SCIN: variants seen among roughly 807,000 people sequenced by gnomAD.
The protein encoded by SCIN is adseverin.
A neutral mutation model predicts 91.8 loss-of-function variants in SCIN; 91 were observed. The observed-to-expected ratio is 0.99, with a 90% confidence interval of 0.84 to 1.18. SCIN has a LOEUF of 1.18. SCIN is among the 50% of genes most tolerant of loss of function. The probability of loss-of-function intolerance (pLI) is 0.00; values close to 1 mark genes in which losing one functional copy is unlikely to be tolerated. For missense variants in SCIN, 1,087 were observed against 863.9 expected (o/e 1.26, Z -3.24); for synonymous variants, 367 against 312.6 (o/e 1.17, Z -1.84).
In SCIN at chr7:12,634,845, C is replaced by T. The variant is rs188292040; in HGVS notation, c.1320-1200C>T. Among the ~76,000 whole-genome samples, 6 of 152,248 alleles carry T rather than the reference C, an allele frequency of 3.9e-5. No individual in the cohort carries two copies. The East Asian group carries it at 5.8e-4, about 15-fold the overall frequency. ...AATGAACTGGACATGTTGATTGACC[C>T]TTATCTGAGTGTTGGAAGTTTAGCC... On this transcript the variant is annotated intron_variant, in intron 9 of 15. Transcript: ENST00000297029.
intron 8 of SCIN, among the ~76,000 whole-genome samples, 168 bp downstream of exon 8, chr7:12,626,967 A>G (rs999648905): frequency 2.0e-5 from 3 of 151,990 alleles, no homozygotes; most frequent in Non-Finnish European, 2.9e-5. Flanking sequence ...GAGCTCGCCC[A>G]TAGTCCTAGC....
rs563069134 is a variant in SCIN at position 12,650,030 on chromosome 7, G to T, written c.1959+486G>T. 3.3e-5 allele frequency among the ~76,000 whole-genome samples: 5 copies of T among 152,288 alleles called. No individual in the cohort carries two copies. The South Asian group carries it at 1.0e-3, about 32-fold the overall frequency. On this transcript the variant is annotated intron_variant, in intron 14 of 15. Coordinates refer to ENST00000297029, the MANE Select transcript of SCIN (RefSeq NM_001112706.3). Reference sequence around the variant, plus strand: ...TGTTTTATTTATCTTAATTTTCAAGGAAATTAGTGGTGATTTGACGTGCCA... The same window carrying T: ...TGTTTTATTTATCTTAATTTTCAAGTAAATTAGTGGTGATTTGACGTGCCA...
rs1488423088 is a variant in SCIN at position 12,659,298 on chromosome 7, T to C, written c.*6583T>C. ...AAGCACCATTTACCACCCATTTGTC[T>C]ATGGACTTAATCTATGTCTCTATGA... On this transcript the variant is annotated 3_prime_UTR_variant, in exon 16 of 16. Transcript: ENST00000297029. The C allele has an allele frequency of 6.6e-6, 1 of 152,204 alleles. No individual in the cohort carries two copies. Among genetic ancestry groups the C allele is most frequent in the African/African-American group, 2.4e-5 (1 of 41,446 alleles). 9.4% of individuals were successfully genotyped at this position (152,204 alleles called of 1,614,324 possible).
chr7:12,634,911 G>T (rs944746763), intron 9 of SCIN, among the ~76,000 whole-genome samples: 5 of 152,118 alleles, frequency 3.3e-5, no homozygotes, highest in African/African-American at 1.2e-4. Flanking sequence ...GGTGGGAAGG[G>T]TGCAGTGCCT....
intron 4 of SCIN, among the ~76,000 whole-genome samples, chr7:12,618,516 G>A (rs1265925736): frequency 6.6e-6 from 1 of 152,028 alleles, no homozygotes; most frequent in Non-Finnish European, 1.5e-5. Context: ...GTATTTTTGA[G>A]GCCATCACTG....
intron 4 of SCIN, among the ~76,000 whole-genome samples, chr7:12,607,706 G>A (rs1783106852): frequency 6.6e-6 from 1 of 152,134 alleles, no homozygotes; most frequent in East Asian, 1.9e-4. Context: ...TGAATTTTCA[G>A]TGAAAACCTT....
chr7:12,579,896 A>G (rs1782453607), intron 2 of SCIN, among the ~76,000 whole-genome samples: 2 of 152,362 alleles, frequency 1.3e-5, no homozygotes, highest in Non-Finnish European at 2.9e-5. Context: ...CCTGGGAGAC[A>G]TGAGTGAAAC....
intron 4 of SCIN, among the ~76,000 whole-genome samples, chr7:12,607,212 G>C (rs865828668): frequency 6.6e-6 from 1 of 152,126 alleles, no homozygotes; most frequent in African/African-American, 2.4e-5. Flanking sequence ...CAAAGTGAAG[G>C]GTTAGACAAA....
chr7:12,586,372 A>G (rs1216899307), intron 3 of SCIN, among the ~76,000 whole-genome samples: 2 of 152,208 alleles, frequency 1.3e-5, no homozygotes, highest in African/African-American at 2.4e-5. Context: ...AAGCAAAACC[A>G]CTATGAGATA....
At chr7:12,628,132 T>G (rs1218466223) in intron 8 of SCIN, among the ~76,000 whole-genome samples, 3 of 152,006 alleles carry the variant, frequency 2.0e-5, no homozygotes. Context: ...CTGTTTCATC[T>G]ACAATTCTCA....
At position 12,626,622 on chromosome 7, in the gene SCIN, C is replaced by G. The variant is rs780471246; in HGVS notation, c.1020C>G (p.Phe340Leu). 2.6e-6 allele frequency: 4 copies of G among 1,551,942 alleles called. No individual in the cohort carries two copies. The highest frequency in any genetic ancestry group is 3.5e-6 in the Non-Finnish European group (4 of 1,147,130). ...VLPEGGETPIFKQFFKDWRDK... is the reference protein window; with the variant it reads ...VLPEGGETPILKQFFKDWRDK... ...CAGAAGGAGGTGAAACACCAATCTT[C>G]AAACAGTTTTTTAAGGACTGGAGAG... is the stretch of plus-strand genomic sequence containing the variant. Residue 340 changes from phenylalanine (F) to leucine (L), a missense_variant, in exon 8 of 16, where the codon TTC becomes TTG. By Grantham distance (22) the Phe-to-Leu change is conservative (BLOSUM62 0). Transcript: ENST00000297029.
In SCIN at chr7:12,655,118, T is replaced by TAGA. The variant is rs1784145695; in HGVS notation, c.*2403_*2404insAGA. ...TTGCATAAAACCTATACCATTCTCC[T>TAGA]GTATACTCTAAGTCATCTCTGCGTT... is the stretch of plus-strand genomic sequence containing the variant. On this transcript the variant is annotated 3_prime_UTR_variant, in exon 16 of 16. Transcript: ENST00000297029. 6.6e-6 allele frequency: 1 copy of TAGA among 152,214 alleles called. No homozygotes were observed. The highest frequency in any genetic ancestry group is 1.5e-5 in the Non-Finnish European group (1 of 68,024). 9.4% of individuals were successfully genotyped at this position (152,214 alleles called of 1,614,324 possible). A position where few individuals can be genotyped will look rare whatever the true frequency, so the allele number is the denominator to read the frequency against.
chr7:12,653,088 G>T lies in SCIN; in HGVS notation c.*373G>T. 1 of 142,710 alleles carries T rather than the reference G, an allele frequency of 7.0e-6. No homozygotes were observed. The highest frequency in any genetic ancestry group is 1.5e-5 in the Non-Finnish European group (1 of 67,536). 8.8% of individuals were successfully genotyped at this position (142,710 alleles called of 1,614,324 possible). On this transcript the variant is annotated 3_prime_UTR_variant, in exon 16 of 16. Coordinates refer to ENST00000297029, the MANE Select transcript of SCIN (RefSeq NM_001112706.3). This position sits in a 1 kb window ranked among gnomAD's most constrained non-coding sequence, Gnocchi z 4.1. The stretch of plus-strand genomic sequence containing the variant: ...CCACCACACTCCAGCCTGGGCAACA[G>T]AGACTCTGTCTCAAAAAAAAAAAAA...
At chr7:12,578,301 C>T (rs1174049638) in intron 2 of SCIN, 83 bp downstream of exon 2, 3 of 1,274,402 alleles carry the variant, frequency 2.4e-6, no homozygotes, top group African/African-American at 1.5e-5. Context: ...AATGACAGTT[C>T]GTTGAGGGCA....
intron 1 of SCIN, among the ~76,000 whole-genome samples, chr7:12,573,319 A>G (rs956235525): frequency 1.3e-5 from 2 of 152,116 alleles, no homozygotes; most frequent in African/African-American, 4.8e-5. Flanking sequence ...CTAAAGTTAA[A>G]CTGAGATGAA....
intron 4 of SCIN, 74 bp downstream of exon 4, chr7:12,604,737 T>TGC (rs1172276506): frequency 3.8e-6 from 5 of 1,327,230 alleles, no homozygotes; most frequent in Non-Finnish European, 4.1e-6. Context: ...TGTGTGTGTG[T>TGC]GTAAGGCAGC....
At chr7:12,635,015 C>G (rs574138441) in intron 9 of SCIN, among the ~76,000 whole-genome samples, 2 of 151,484 alleles carry the variant, frequency 1.3e-5, no homozygotes, top group African/African-American at 4.9e-5. Flanking sequence ...GGTGAAACCC[C>G]GTCTCTACTA....
At chr7:12,575,863 C>G (rs1159553434) in intron 1 of SCIN, among the ~76,000 whole-genome samples, 1 of 152,146 alleles carries the variant, frequency 6.6e-6, no homozygotes, top group African/African-American at 2.4e-5. Context: ...GGATTTGATT[C>G]TAATTTTCGC....
chr7:12,642,469 G>A (rs1448928003), intron 11 of SCIN, among the ~76,000 whole-genome samples: 1 of 151,938 alleles, frequency 6.6e-6, no homozygotes, highest in East Asian at 1.9e-4. Flanking sequence ...TCCAGCTACT[G>A]CATCATTTCT....
Sources: gnomAD v4.1 joint callset for allele counts (sites outside exome capture counted in the v4.1 genomes callset) on GRCh38, gnomAD v4.1.1 for gene constraint, Gnocchi (gnomAD v3.1) non-coding constraint, MANE v1.5 for transcripts, NCBI Gene and HGNC (gene_info 2026-07-23, HGNC 2026-07-21) for gene names.